Variants in VPS13C observed in about 807,000 individuals in gnomAD.
The protein encoded by VPS13C is vacuolar protein sorting 13 homolog C, also known as intermembrane lipid transfer protein VPS13C.
In VPS13C, 358 loss-of-function variants were observed where a neutral mutation model predicts 456.8. The observed-to-expected ratio is 0.78, with a 90% CI of 0.72 to 0.86. The LOEUF is 0.86. Among genes scored for constraint, VPS13C ranks in the 40% least tolerant of loss-of-function variants. The pLI, the probability that VPS13C is intolerant of heterozygous loss-of-function variation, is 0.00. For missense variants in VPS13C, 4,818 were observed against 4,385.4 expected (o/e 1.10, Z -2.79); for synonymous variants, 1,578 against 1,486.7 (o/e 1.06, Z -1.41).
chr15:62,049,413 T>C (rs1276130169), intron 1 of VPS13C, among the ~76,000 whole-genome samples: 1 of 152,228 alleles, frequency 6.6e-6, no homozygotes, highest in African/African-American at 2.4e-5. Flanking sequence ...CAGATGGTTG[T>C]AGATATGCGG....
At chr15:61,948,481 C>T (rs998941142) in intron 42 of VPS13C, among the ~76,000 whole-genome samples, 20 of 152,002 alleles carry the variant, frequency 1.3e-4, no homozygotes, top group East Asian at 9.7e-4. Flanking sequence ...CAGGAGTTCA[C>T]GACCAGCCTG....
intron 66 of VPS13C, among the ~76,000 whole-genome samples, chr15:61,897,211 G>T (rs1191634016): frequency 6.6e-6 from 1 of 152,266 alleles, no homozygotes; most frequent in African/African-American, 2.4e-5. Flanking sequence ...TCCTCCAAAG[G>T]AATGCAGTTC....
At chr15:61,984,046 A>G in intron 19 of VPS13C, 34 bp from the exon 20 acceptor site, 1 of 1,583,840 alleles carries the variant, frequency 6.3e-7, no homozygotes, top group Non-Finnish European at 8.6e-7. Context: ...AAAGATGCAG[A>G]CAAGGTCTTT....
At chr15:61,922,300 C>A in intron 54 of VPS13C, 97 bp downstream of exon 54, 1 of 1,420,444 alleles carries the variant, frequency 7.0e-7, no homozygotes, top group South Asian at 1.4e-5. Context: ...CACATATGTA[C>A]TCATAGTGGC....
At position 61,917,457 on chromosome 15, in the gene VPS13C, C is replaced by A. The variant is rs761914002; in HGVS notation, c.7939G>T (p.Glu2647Ter). ...CCATGTGTACATATGTAGCTCAATTCATCAGGCAGAGCAACTGTATTCACT... is the reference window on the plus strand; with the variant it reads ...CCATGTGTACATATGTAGCTCAATTAATCAGGCAGAGCAACTGTATTCACT... Reference protein sequence around the residue: ...LIVNTVALPDELSYICTHGED... With the variant: ...LIVNTVALPD Residue 2647 changes from glutamate to a stop codon, truncating the protein, a stop_gained, in exon 60 of 85, where the codon GAA becomes TAA. Coordinates refer to ENST00000644861, the MANE Select transcript of VPS13C (RefSeq NM_020821.3). LOFTEE classifies it high-confidence loss of function. The A allele has an allele frequency of 3.1e-6, 5 of 1,614,036 alleles. No homozygotes were observed.
chr15:62,013,165 T>A, intron 10 of VPS13C, 46 bp from the exon 11 acceptor site: 1 of 1,396,616 alleles, frequency 7.2e-7, no homozygotes. Flanking sequence ...CACACTGAAA[T>A]TATGAATCAA....
At position 61,972,684 on chromosome 15, in the gene VPS13C, CT is replaced by C; in HGVS notation, c.2697del (p.Ala900LeufsTer21). On this transcript the variant is annotated frameshift_variant, in exon 27 of 85. Transcript: ENST00000644861. LOFTEE classifies it high-confidence loss of function. ...CKSMKGSELK[K>X]AAEVPNEELI... ...AGCTCCTCATTTGGGACCTCTGCAG[CT>C]TTTTTAAGTTCTGATCCTTTCATAC... 1 of 1,613,462 alleles carries C rather than the reference CT, an allele frequency of 6.2e-7. No homozygotes were observed. Among genetic ancestry groups the C allele is most frequent in the South Asian group, 1.1e-5 (1 of 91,042 alleles).
At chr15:61,882,961 T>C (rs1355271671) in intron 68 of VPS13C, among the ~76,000 whole-genome samples, 2 of 152,090 alleles carry the variant, frequency 1.3e-5, no homozygotes, top group East Asian at 1.9e-4. Flanking sequence ...ATAGAAACTA[T>C]AGTTTTAAAA....
intron 69 of VPS13C, 86 bp from the exon 70 acceptor site, chr15:61,881,914 C>T: frequency 8.4e-7 from 1 of 1,186,036 alleles, no homozygotes; most frequent in Non-Finnish European, 1.2e-6. Context: ...GAGGCCACCA[C>T]TTTCATCATA....
chr15:61,983,269 GATGCA>G (rs1311037004), intron 20 of VPS13C, among the ~76,000 whole-genome samples: 1 of 152,160 alleles, frequency 6.6e-6, no homozygotes. Context: ...ACCTACAAGT[GATGCA>G]ATGAGTAGTG....
intron 61 of VPS13C, among the ~76,000 whole-genome samples, 172 bp downstream of exon 61, chr15:61,915,461 A>G (rs1304136603): frequency 6.6e-6 from 1 of 152,166 alleles, no homozygotes; most frequent in African/African-American, 2.4e-5. Context: ...AGTCTCAGGA[A>G]ACCTATTAGT....
Position 61,856,307 on chromosome 15 carries a change from AT to A in VPS13C, c.11054del (p.Asn3685MetfsTer3), listed in dbSNP as rs1187268169. 2 of 1,613,228 alleles carry A rather than the reference AT, an allele frequency of 1.2e-6. No homozygotes were observed. The highest frequency in any genetic ancestry group is 1.7e-6 in the Non-Finnish European group (2 of 1,179,510). On this transcript the variant is annotated frameshift_variant, in exon 83 of 85. Transcript: ENST00000644861. LOFTEE classifies it high-confidence loss of function. ...DFVFPPSVSE[N>X]VLKISVKEQG... ...TTACCTTAACTGAAATTTTTAGCAC[AT>A]TTTCACTGACACTAGGAGGAAATAC...
intron 66 of VPS13C, among the ~76,000 whole-genome samples, chr15:61,893,978 G>A (rs1455676835): frequency 1.3e-5 from 2 of 151,992 alleles, no homozygotes; most frequent in Non-Finnish European, 2.9e-5. Context: ...AAGGAAGTCA[G>A]TAAGAAAAGA....
At chr15:62,038,624 A>G (rs1242550320) in intron 3 of VPS13C, among the ~76,000 whole-genome samples, 1 of 152,126 alleles carries the variant, frequency 6.6e-6, no homozygotes, top group East Asian at 1.9e-4. Context: ...TAAAAATAAA[A>G]ATCTTCTGCA....
At chr15:61,874,212 T>C (rs752546210) in intron 77 of VPS13C, among the ~76,000 whole-genome samples, 2 of 151,964 alleles carry the variant, frequency 1.3e-5, no homozygotes, top group Non-Finnish European at 1.5e-5. Context: ...GAGAGATTGG[T>C]TAATGGATAC....
chr15:61,992,177 G>C (rs969282411), intron 16 of VPS13C, among the ~76,000 whole-genome samples: 3 of 152,136 alleles, frequency 2.0e-5, no homozygotes, highest in Non-Finnish European at 2.9e-5. Context: ...ACCCAAAAAA[G>C]TATTAATTTA....
chr15:62,034,821 T>C, intron 4 of VPS13C, 136 bp downstream of exon 4: 2 of 515,168 alleles, frequency 3.9e-6, no homozygotes, highest in South Asian at 4.3e-5. Flanking sequence ...AGTATGCATA[T>C]AAGTGCATCT....
At chr15:61,925,570 T>C in intron 52 of VPS13C, 22 bp from the exon 53 acceptor site, 2 of 1,519,836 alleles carry the variant, frequency 1.3e-6, no homozygotes, top group Non-Finnish European at 1.8e-6. Flanking sequence ...TAAATGAAAT[T>C]CACATTTCCA....
In VPS13C at chr15:61,873,289, T is replaced by C; in HGVS notation, c.10535A>G (p.Asp3512Gly). The C allele has an allele frequency of 5.6e-6, 9 of 1,613,750 alleles. No homozygotes were observed. Among genetic ancestry groups the C allele is most frequent in the Non-Finnish European group, 7.6e-6 (9 of 1,179,750 alleles). The change falls in exon 78 of 85, where the codon GAT (aspartate) becomes GGT (glycine). Residue 3512 changes from aspartate (D) to glycine (G), a missense_variant. Asp to Gly is a moderately conservative substitution (Grantham distance 94). Coordinates refer to ENST00000644861, the MANE Select transcript of VPS13C (RefSeq NM_020821.3). ...RREELSRQPR[D>G]FGDSLARGGK... The stretch of plus-strand genomic sequence containing the variant: ...TCCTCTGGCCAGGCTGTCTCCAAAA[T>C]CTCTGGGCTGTCGACTCAACTCTTC...
Sources: allele counts gnomAD v4.1 joint callset (sites outside exome capture counted in the v4.1 genomes callset), GRCh38; gene constraint gnomAD v4.1.1; transcripts MANE v1.5; gene names NCBI Gene and HGNC (gene_info 2026-07-23, HGNC 2026-07-21).